The following APP variants were observed in gnomAD, a reference collection of about 807,000 sequenced individuals.
The protein encoded by APP is amyloid beta precursor protein, also known as amyloid-beta precursor protein.
A neutral mutation model predicts 101.4 loss-of-function variants in APP; 31 were observed. The ratio of observed to expected loss-of-function variants is 0.31; its 90% confidence interval spans 0.23 to 0.41. APP has a LOEUF of 0.41. APP is among the 10% of genes least tolerant of loss of function. The pLI is 1.00. For synonymous variants in APP, 366 were observed against 364.4 expected (o/e 1.00, Z -0.05); for missense variants, 839 against 1,003.7 (o/e 0.84, Z 2.22).
chr21:26,133,673 G>A (rs2062839703), intron 1 of APP, among the ~76,000 whole-genome samples: 1 of 152,132 alleles, frequency 6.6e-6, no homozygotes, highest in Admixed American at 6.5e-5. Flanking sequence ...TCGGGAGGCT[G>A]AGGCAGGAGA....
intron 8 of APP, among the ~76,000 whole-genome samples, chr21:25,984,066 G>A (rs978027196): frequency 7.2e-5 from 11 of 152,202 alleles, no homozygotes; most frequent in Admixed American, 6.5e-5. Flanking sequence ...TAAGTCATCC[G>A]GCAGAGAGGG....
chr21:26,158,103 C>T (rs181184696), intron 1 of APP: 21 of 152,340 alleles, frequency 1.4e-4, no homozygotes, highest in Middle Eastern at 6.8e-3. Context: ...AGCTGGAAGG[C>T]CTTCCCAGGA....
Position 25,975,296 on chromosome 21 carries a change from C to G in APP, c.1300-68G>C, listed in dbSNP as rs1364751415. The G allele has an allele frequency of 3.8e-6, 6 of 1,595,524 alleles. No individual in the cohort carries two copies. The African/African-American group carries it at 5.4e-5, about 14-fold the overall frequency. On this transcript the variant is annotated intron_variant, in intron 10 of 17. Transcript: ENST00000346798. ...GGATGAAGCAGCAATTTCAAGTCTT[C>G]TAAAAAAGACATCCTATTCCATTTT... is the stretch of plus-strand genomic sequence containing the variant.
intron 17 of APP, among the ~76,000 whole-genome samples, chr21:25,889,826 G>A (rs1309010449): frequency 6.6e-6 from 1 of 151,928 alleles, no homozygotes; most frequent in Non-Finnish European, 1.5e-5. Context: ...CAGCCTGGGT[G>A]AAAGAGCAAG....
chr21:26,103,302 T>C (rs982259413), intron 2 of APP, among the ~76,000 whole-genome samples: 3 of 152,290 alleles, frequency 2.0e-5, no homozygotes, highest in Admixed American at 2.0e-4. Context: ...TGCCTAAACA[T>C]GTCTTTAGAA....
intron 3 of APP, 116 bp downstream of exon 3, chr21:26,089,827 G>A: frequency 1.3e-6 from 2 of 1,488,138 alleles, no homozygotes; most frequent in Non-Finnish European, 1.8e-6. Context: ...GTACAACACA[G>A]AGTGGCAATG....
chr21:26,038,215 T>G (rs2045208658), intron 5 of APP, among the ~76,000 whole-genome samples: 1 of 151,938 alleles, frequency 6.6e-6, no homozygotes, highest in Non-Finnish European at 1.5e-5. Context: ...TTATCATTAC[T>G]TGATTACTAC....
intron 11 of APP, among the ~76,000 whole-genome samples, chr21:25,972,490 T>C (rs1012269332): frequency 9.1e-5 from 4 of 43,810 alleles, no homozygotes; most frequent in African/African-American, 3.9e-4. Context: ...AAAAGGGACA[T>C]TTTTGGTCAA....
In APP at chr21:26,167,690, T is replaced by A. The variant is rs953615119; in HGVS notation, c.57+2874A>T. Reference sequence around the variant, plus strand: ...GTTGATCACGTTATTTCTTTTTAATTTTTTTGAATCAGCCATTCCTCATTT... The same window carrying A: ...GTTGATCACGTTATTTCTTTTTAATATTTTTGAATCAGCCATTCCTCATTT... On this transcript the variant is annotated intron_variant, in intron 1 of 17. Coordinates refer to ENST00000346798, the MANE Select transcript of APP (RefSeq NM_000484.4). Among the ~76,000 whole-genome samples the A allele has an allele frequency of 9.2e-5, 14 of 152,224 alleles. 1 individual carries two copies. Among genetic ancestry groups the A allele is most frequent in the East Asian group, 1.9e-4 (1 of 5,200 alleles).
intron 1 of APP, among the ~76,000 whole-genome samples, chr21:26,157,194 C>T (rs2063393110): frequency 6.6e-6 from 1 of 152,088 alleles, no homozygotes. Context: ...CTCAGCCTCC[C>T]GAGTAACTGA....
chr21:25,891,839 G>C lies in APP; in HGVS notation c.2094C>G (p.Asn698Lys). 1 of 1,614,002 alleles carries C rather than the reference G, an allele frequency of 6.2e-7. No homozygotes were observed. The highest frequency in any genetic ancestry group is 8.5e-7 in the Non-Finnish European group (1 of 1,179,986). ...LVFFAEDVGS[N>K]KGAIIGLMVG... ...CCATGAGTCCAATGATTGCACCTTTGTTTGAACCCACATCTTCTGCAAAGA... is the reference window on the plus strand; with the variant it reads ...CCATGAGTCCAATGATTGCACCTTTCTTTGAACCCACATCTTCTGCAAAGA... Residue 698 changes from asparagine to lysine, a missense_variant, in exon 17 of 18, where the codon AAC (asparagine) becomes AAG (lysine). Transcript: ENST00000346798.
At chr21:26,108,659 G>C (rs1339511107) in intron 2 of APP, among the ~76,000 whole-genome samples, 5 of 152,206 alleles carry the variant, frequency 3.3e-5, no homozygotes, top group Non-Finnish European at 7.3e-5. Flanking sequence ...AGGCCGAAGA[G>C]GGTGGATCGC....
At chr21:25,933,078 A>C (rs1251902388) in intron 13 of APP, among the ~76,000 whole-genome samples, 2 of 152,194 alleles carry the variant, frequency 1.3e-5, no homozygotes, top group African/African-American at 4.8e-5. Flanking sequence ...GTATAATGGG[A>C]TATCCATCAC....
chr21:26,136,518 G>C (rs2146293643), intron 1 of APP, among the ~76,000 whole-genome samples: 1 of 152,164 alleles, frequency 6.6e-6, no homozygotes, highest in Admixed American at 6.5e-5. Context: ...TATAAGACTG[G>C]AGTTTTACAC....
At chr21:26,085,165 G>C (rs1301924736) in intron 3 of APP, among the ~76,000 whole-genome samples, 2 of 152,172 alleles carry the variant, frequency 1.3e-5, no homozygotes, top group Non-Finnish European at 2.9e-5. Context: ...TCTGAAGCAT[G>C]ATTAACGTTG....
At chr21:26,073,367 C>T (rs1008337257) in intron 3 of APP, among the ~76,000 whole-genome samples, 1 of 152,078 alleles carries the variant, frequency 6.6e-6, no homozygotes, top group Non-Finnish European at 1.5e-5. Flanking sequence ...AGAATGCACC[C>T]ATCAACCGAT....
At chr21:25,981,618 G>A (rs1356056226) in intron 9 of APP, among the ~76,000 whole-genome samples, 2 of 149,564 alleles carry the variant, frequency 1.3e-5, no homozygotes, top group East Asian at 2.0e-4. Context: ...GTAGTTGATA[G>A]TATATATGGA....
chr21:26,049,178 G>A (rs148048526), intron 5 of APP, among the ~76,000 whole-genome samples: 1 of 152,130 alleles, frequency 6.6e-6, no homozygotes, highest in African/African-American at 2.4e-5. Context: ...TGAAGCCTGG[G>A]GGTGTGGGGG....
intron 1 of APP, among the ~76,000 whole-genome samples, chr21:26,163,239 CAAAAAAAAAAAA>C (rs58816061): frequency 0.024 from 1,394 of 58,856 alleles, 15 homozygotes; most frequent in Non-Finnish European, 0.035. Context: ...AACTCAGTCT[CAAAAAAAAAAAA>C]AAAAAAAAAA....
Sources: allele counts gnomAD v4.1 joint callset (sites outside exome capture counted in the v4.1 genomes callset), GRCh38; gene constraint gnomAD v4.1.1; transcripts MANE v1.5; gene names NCBI Gene and HGNC (gene_info 2026-07-23, HGNC 2026-07-21).